Variants in KIT observed in about 807,000 individuals in gnomAD.
The protein encoded by KIT is mast/stem cell growth factor receptor Kit.
A neutral mutation model predicts 105.7 loss-of-function variants in KIT; 16 were observed. That is an observed-to-expected ratio of 0.15 (90% CI 0.10 to 0.23). The LOEUF is 0.23. KIT is among the 10% of genes least tolerant of loss of function. The pLI is 1.00. For missense variants in KIT, 858 were observed against 1,213.8 expected (o/e 0.71, Z 4.36); for synonymous variants, 438 against 441.1 (o/e 0.99, Z 0.09).
intron 1 of KIT, among the ~76,000 whole-genome samples, chr4:54,682,969 C>A (rs2109613702): frequency 6.6e-6 from 1 of 152,102 alleles, no homozygotes; most frequent in East Asian, 1.9e-4. Context: ...CCATGCTGGT[C>A]TCAAACTCCT....
At chr4:54,678,413 C>T (rs1368151070) in intron 1 of KIT, among the ~76,000 whole-genome samples, 7 of 124,046 alleles carry the variant, frequency 5.6e-5, no homozygotes, top group East Asian at 2.7e-4. Flanking sequence ...TGCTCCTTCA[C>T]GTTGCCTTAC....
intron 1 of KIT, among the ~76,000 whole-genome samples, chr4:54,679,322 T>C: frequency 6.6e-6 from 1 of 152,136 alleles, no homozygotes; most frequent in East Asian, 1.9e-4. Flanking sequence ...TCCGGAGCTG[T>C]AGGTGAACTG....
In KIT at chr4:54,735,379, G is replaced by C. The variant is rs376774932; in HGVS notation, c.2485-1119G>C. On this transcript the variant is annotated intron_variant, in intron 17 of 20. Transcript: ENST00000288135. Reference sequence around the variant, plus strand: ...TAACTTTAACACCAAAAAAAAAAAAGAAAAAAAAAAAAAGCTTTCCCAGTT... The same window carrying C: ...TAACTTTAACACCAAAAAAAAAAAACAAAAAAAAAAAAAGCTTTCCCAGTT... Among the ~76,000 whole-genome samples, 5 of 87,778 alleles carry C rather than the reference G, an allele frequency of 5.7e-5. No individual in the cohort carries two copies. The East Asian group carries it at 1.6e-3, about 28-fold the overall frequency. The allele number at this position is 87,778 out of a possible 152,430, so 57.6% of individuals were successfully genotyped here.
intron 1 of KIT, among the ~76,000 whole-genome samples, chr4:54,664,902 T>C (rs933264767): frequency 6.6e-6 from 1 of 151,886 alleles, no homozygotes; most frequent in Non-Finnish European, 1.5e-5. Flanking sequence ...TTTTTTTTTT[T>C]TAATAGTAAA....
chr4:54,660,949 C>G (rs577100260), intron 1 of KIT, among the ~76,000 whole-genome samples: 5 of 152,208 alleles, frequency 3.3e-5, no homozygotes, highest in African/African-American at 4.8e-5. Flanking sequence ...TTTAGAATTG[C>G]GTGTCTTATG....
At position 54,733,063 on chromosome 4, in the gene KIT, C is replaced by G. The variant is rs2109800892; in HGVS notation, c.2362-7C>G. 1 of 1,610,336 alleles carries G rather than the reference C, an allele frequency of 6.2e-7. No homozygotes were observed. On this transcript the variant is annotated splice_polypyrimidine_tract_variant and splice_region_variant and intron_variant, in intron 16 of 20. Transcript: ENST00000288135. ...AAATGGTTTTCTTTTCTCCTCCAACCTAATAGTGTATTCACAGAGACTTGG... is the reference window on the plus strand; with the variant it reads ...AAATGGTTTTCTTTTCTCCTCCAACGTAATAGTGTATTCACAGAGACTTGG...
At chr4:54,732,261 G>A (rs972015067) in intron 16 of KIT, among the ~76,000 whole-genome samples, 2 of 151,974 alleles carry the variant, frequency 1.3e-5, no homozygotes, top group African/African-American at 4.8e-5. Context: ...TTTATATGCA[G>A]TGAAATTCTT....
intron 17 of KIT, chr4:54,733,469 C>T: frequency 5.6e-6 from 2 of 356,892 alleles, no homozygotes; most frequent in South Asian, 2.6e-5. Flanking sequence ...CTGAGAATAG[C>T]AATGAACTTG....
intron 11 of KIT, 39 bp from the exon 12 acceptor site, chr4:54,727,784 G>A (rs1722335078): frequency 6.6e-7 from 1 of 1,514,594 alleles, no homozygotes; most frequent in South Asian, 1.1e-5. Flanking sequence ...TCCACCACCA[G>A]CACCATCACC....
intron 15 of KIT, 146 bp downstream of exon 15, chr4:54,731,565 A>AG (rs1406533166): frequency 4.0e-6 from 3 of 741,318 alleles, no homozygotes; most frequent in Non-Finnish European, 7.2e-6. Context: ...AATGGCAGTT[A>AG]GGGTTGCAAG....
At chr4:54,688,538 A>G (rs1033277412) in intron 1 of KIT, among the ~76,000 whole-genome samples, 11 of 152,180 alleles carry the variant, frequency 7.2e-5, no homozygotes, top group Non-Finnish European at 1.0e-4. Context: ...AACCGCAGCT[A>G]TCAATCCAGT....
At chr4:54,716,392 G>A (rs1721500077) in intron 7 of KIT, among the ~76,000 whole-genome samples, 1 of 151,960 alleles carries the variant, frequency 6.6e-6, no homozygotes, top group Admixed American at 6.6e-5. Context: ...GTGAAGGGTA[G>A]AACAATTAGA....
chr4:54,689,603 T>C (rs1191982298), intron 1 of KIT, among the ~76,000 whole-genome samples: 2 of 152,212 alleles, frequency 1.3e-5, no homozygotes, highest in African/African-American at 4.8e-5. Flanking sequence ...CAGAGGCTAA[T>C]AATAGAGGCC....
chr4:54,681,006 G>T (rs572367294), intron 1 of KIT, among the ~76,000 whole-genome samples: 2 of 152,146 alleles, frequency 1.3e-5, no homozygotes, highest in Non-Finnish European at 2.9e-5. Context: ...TAGGTCTTGG[G>T]GGGGTGAAGT....
chr4:54,716,643 A>G (rs1721516234), intron 7 of KIT, among the ~76,000 whole-genome samples: 1 of 152,126 alleles, frequency 6.6e-6, no homozygotes, highest in African/African-American at 2.4e-5. Context: ...GATCTTTTAT[A>G]ATTTCTCTAG....
chr4:54,691,785 A>G (rs932728484), intron 1 of KIT, among the ~76,000 whole-genome samples: 2 of 151,810 alleles, frequency 1.3e-5, no homozygotes, highest in Admixed American at 6.6e-5. Context: ...TTAGGAGAGG[A>G]TATTACTTCT....
chr4:54,725,261 C>T (rs1488560748), intron 8 of KIT, among the ~76,000 whole-genome samples: 1 of 152,054 alleles, frequency 6.6e-6, no homozygotes, highest in Non-Finnish European at 1.5e-5. Context: ...CCTGCCACCA[C>T]GCCCAGCTAA....
At chr4:54,700,790 AT>A (rs1354548785) in intron 4 of KIT, among the ~76,000 whole-genome samples, 1 of 152,254 alleles carries the variant, frequency 6.6e-6, no homozygotes, top group African/African-American at 2.4e-5. Flanking sequence ...GTGTGATGAT[AT>A]TCATGTAGAC....
At chr4:54,714,967 A>T (rs1425000245) in intron 7 of KIT, among the ~76,000 whole-genome samples, 1 of 152,220 alleles carries the variant, frequency 6.6e-6, no homozygotes, top group Non-Finnish European at 1.5e-5. Context: ...AAATTAACTC[A>T]GAAGTCACCA....
Sources: gnomAD v4.1 joint callset for allele counts (sites outside exome capture counted in the v4.1 genomes callset) on GRCh38, gnomAD v4.1.1 for gene constraint, MANE v1.5 for transcripts, NCBI Gene and HGNC (gene_info 2026-07-23, HGNC 2026-07-21) for gene names.